Variants in SBNO1 observed in about 807,000 individuals in gnomAD.
SBNO1 encodes strawberry notch homolog 1, also known as protein strawberry notch homolog 1.
Under a neutral mutation model 173.6 loss-of-function variants are expected in SBNO1, and 23 were observed. That is an observed-to-expected ratio of 0.13 (90% CI 0.10 to 0.19). The LOEUF is 0.19. Ranked by LOEUF, SBNO1 falls within the 10% of genes least tolerant of loss-of-function variation. The pLI is 1.00. For missense variants in SBNO1, 1,238 were observed against 1,671.2 expected (o/e 0.74, Z 4.52); for synonymous variants, 632 against 571.5 (o/e 1.11, Z -1.51).
intron 28 of SBNO1, 84 bp downstream of exon 28, chr12:123,309,226 C>T (rs2048996433): frequency 1.0e-6 from 1 of 958,864 alleles, no homozygotes; most frequent in Non-Finnish European, 1.6e-6. Context: ...AACTGGGAAA[C>T]AGGTACAAAG....
At chr12:123,307,430 C>CAT (rs1241783191) in intron 28 of SBNO1, among the ~76,000 whole-genome samples, 4 of 152,288 alleles carry the variant, frequency 2.6e-5, no homozygotes, top group African/African-American at 9.6e-5. Flanking sequence ...CAAAACCATA[C>CAT]ATATCAGACC....
Position 123,313,605 on chromosome 12 carries a change from A to G in SBNO1, c.3220+15T>C, listed in dbSNP as rs1468765756. 7.8e-7 allele frequency: 1 copy of G among 1,277,302 alleles called. No homozygotes were observed. Among genetic ancestry groups the G allele is most frequent in the South Asian group, 1.2e-5 (1 of 82,266 alleles). 79.1% of individuals were successfully genotyped at this position (1,277,302 alleles called of 1,614,324 possible). A position where few individuals can be genotyped will look rare whatever the true frequency, so the allele number is the denominator to read the frequency against. ...AATAATCATTGTCATTGTTATGAATATTTGTAGAAGTTACCTTTAAAAAAT... is the reference window on the plus strand; with the variant it reads ...AATAATCATTGTCATTGTTATGAATGTTTGTAGAAGTTACCTTTAAAAAAT... On this transcript the variant is annotated intron_variant, in intron 24 of 31. Coordinates refer to ENST00000602398, the MANE Select transcript of SBNO1 (RefSeq NM_001167856.3).
chr12:123,334,081 T>C lies in SBNO1; in HGVS notation c.881A>G (p.Gln294Arg). Reference sequence around the variant, plus strand: ...GGCTGCATATGTAATTGCCTCAAGCTGCAATGCTGATAACCAGCCATTATC... The same window carrying C: ...GGCTGCATATGTAATTGCCTCAAGCCGCAATGCTGATAACCAGCCATTATC... ...TIDNGWLSAL[Q>R]LEAITYAAQQ... Residue 294 changes from glutamine (Q) to arginine (R), a missense_variant, in exon 7 of 32, where the codon CAG becomes CGG. By Grantham distance (43) the Gln-to-Arg change is conservative. Around this residue, in one of 14 missense-constraint regions of SBNO1, gnomAD observed 78 missense variants for 103.3 expected, o/e 0.76. Transcript: ENST00000602398. 1 of 1,595,270 alleles carries C rather than the reference T, an allele frequency of 6.3e-7. No individual in the cohort carries two copies. Among genetic ancestry groups the C allele is most frequent in the Non-Finnish European group, 8.5e-7 (1 of 1,173,154 alleles).
chr12:123,320,175 A>T (rs1869785655), intron 19 of SBNO1, 144 bp from the exon 20 acceptor site: 6 of 979,952 alleles, frequency 6.1e-6, no homozygotes, highest in Non-Finnish European at 9.0e-6. Flanking sequence ...ACTGCAACAG[A>T]GTCCCTGGAA....
chr12:123,311,691 C>CTATCTATCTATCTATCTAT (rs1424278237), intron 24 of SBNO1, among the ~76,000 whole-genome samples: 1 of 121,768 alleles, frequency 8.2e-6, no homozygotes, highest in African/African-American at 3.3e-5. Flanking sequence ...AAACAAGTAA[C>CTATCTATCTATCTATCTAT]CTATCTATCT....
intron 30 of SBNO1, among the ~76,000 whole-genome samples, chr12:123,299,219 T>C (rs944058173): frequency 7.9e-5 from 12 of 151,686 alleles, no homozygotes; most frequent in African/African-American, 2.9e-4. Flanking sequence ...ATACAAAAAA[T>C]TAGCCAGGAG....
At chr12:123,300,932 C>G (rs1228504495) in intron 30 of SBNO1, among the ~76,000 whole-genome samples, 4 of 148,656 alleles carry the variant, frequency 2.7e-5, no homozygotes, top group South Asian at 2.1e-4. Flanking sequence ...GCACTCCAGC[C>G]TGGGTGACAG....
intron 1 of SBNO1, chr12:123,364,423 CG>C: frequency 1.0e-6 from 1 of 985,510 alleles, no homozygotes; most frequent in Non-Finnish European, 1.2e-6. Context: ...CCCGGGACAG[CG>C]GGGCTCCCGG....
Position 123,348,123 on chromosome 12 carries a change from A to C in SBNO1, c.143T>G (p.Leu48Arg). ...CTCCAAACCTAGTTCTAATGCACTA[A>C]GTGGCACTGACTGGAGAGAAAACAA... ...PTPSVQQSVP[L>R]SALELGLETE... The change falls in exon 3 of 32, where the codon CTT becomes CGT. Residue 48 changes from leucine to arginine, a missense_variant. This residue lies in a region of SBNO1 where 287 missense variants were observed against 274.1 expected (regional missense o/e 1.05). Transcript: ENST00000602398. The C allele has an allele frequency of 6.2e-7, 1 of 1,602,308 alleles. No individual in the cohort carries two copies. The highest frequency in any genetic ancestry group is 8.5e-7 in the Non-Finnish European group (1 of 1,170,748).
At chr12:123,359,384 T>C (rs1157483972) in intron 1 of SBNO1, among the ~76,000 whole-genome samples, 1 of 151,378 alleles carries the variant, frequency 6.6e-6, no homozygotes, top group Admixed American at 6.6e-5. Flanking sequence ...AACATATACA[T>C]ATATGTCTCT....
At chr12:123,340,453 T>C (rs1872398873) in intron 5 of SBNO1, among the ~76,000 whole-genome samples, 2 of 151,712 alleles carry the variant, frequency 1.3e-5, no homozygotes, top group African/African-American at 4.8e-5. Context: ...TGGTGGCACA[T>C]GCCTGTAATC....
At chr12:123,348,192 G>T in intron 2 of SBNO1, 59 bp from the exon 3 acceptor site, 2 of 943,384 alleles carry the variant, frequency 2.1e-6, no homozygotes, top group South Asian at 1.4e-5. Flanking sequence ...TCTGTTTCAA[G>T]GACAAGGTTT....
chr12:123,337,926 T>G (rs765513681), intron 5 of SBNO1, among the ~76,000 whole-genome samples: 20 of 152,202 alleles, frequency 1.3e-4, no homozygotes, highest in Non-Finnish European at 2.8e-4. Context: ...GATAATTGAA[T>G]AACTGAAGGA....
chr12:123,307,122 G>A (rs1566024286), intron 28 of SBNO1, among the ~76,000 whole-genome samples: 1 of 150,288 alleles, frequency 6.7e-6, no homozygotes, highest in South Asian at 2.1e-4. Flanking sequence ...CCAGGAGGTT[G>A]AAGCTGCAGT....
At chr12:123,362,126 C>A (rs1159894702) in intron 1 of SBNO1, among the ~76,000 whole-genome samples, 1 of 149,186 alleles carries the variant, frequency 6.7e-6, no homozygotes, top group African/African-American at 2.5e-5. Context: ...GGCGAGAGAG[C>A]GAGACTCCAC....
At position 123,295,679 on chromosome 12, in the gene SBNO1, A is replaced by G; in HGVS notation, c.*229T>C. ...CTCTGCTCACCCGAAGTAAAAGCAGATGGGAATTATCAGGGGAGAAGCTAA... is the reference window on the plus strand; with the variant it reads ...CTCTGCTCACCCGAAGTAAAAGCAGGTGGGAATTATCAGGGGAGAAGCTAA... On this transcript the variant is annotated 3_prime_UTR_variant, in exon 32 of 32. Transcript: ENST00000602398. 1.9e-6 allele frequency: 1 copy of G among 513,858 alleles called. No individual in the cohort carries two copies. The highest frequency in any genetic ancestry group is 3.5e-6 in the Non-Finnish European group (1 of 286,542). 31.8% of individuals were successfully genotyped at this position (513,858 alleles called of 1,614,324 possible).
In SBNO1 at chr12:123,345,197, A is replaced by G. The variant is rs1872985440; in HGVS notation, c.550+61T>C. On this transcript the variant is annotated intron_variant, in intron 4 of 31. Transcript: ENST00000602398. ...TTAAAAACCCAAGCAAATCGTTTAA[A>G]AAAACATGCTGACATAGCTTACCAG... 24 of 1,420,416 alleles carry G rather than the reference A, an allele frequency of 1.7e-5. No homozygotes were observed. The South Asian group carries it at 2.7e-4, about 16-fold the overall frequency. 88.0% of individuals were successfully genotyped at this position (1,420,416 alleles called of 1,614,324 possible). A position where few individuals can be genotyped will look rare whatever the true frequency, so the allele number is the denominator to read the frequency against.
intron 1 of SBNO1, among the ~76,000 whole-genome samples, chr12:123,360,011 C>T (rs11503021): frequency 0.89 from 135,117 of 152,168 alleles, 60,119 homozygotes; most frequent in Middle Eastern, 0.95. Flanking sequence ...GAGGCCAAGC[C>T]GGTTGGTCAC....
intron 24 of SBNO1, among the ~76,000 whole-genome samples, chr12:123,311,720 C>CTATATATATATA (rs56718635): frequency 1.4e-4 from 18 of 127,444 alleles, no homozygotes; most frequent in African/African-American, 5.4e-4. Context: ...ATCTATCTAT[C>CTATATATATATA]TATATATATA....
Sources: gnomAD v4.1 joint callset for allele counts (sites outside exome capture counted in the v4.1 genomes callset) on GRCh38, gnomAD v4.1.1 for gene constraint, gnomAD v4.1.1 regional missense constraint, MANE v1.5 for transcripts, NCBI Gene and HGNC (gene_info 2026-07-23, HGNC 2026-07-21) for gene names.